HDLBP: variants seen among roughly 807,000 people sequenced by gnomAD.
HDLBP encodes the protein high density lipoprotein binding protein.
In HDLBP, 30 loss-of-function variants were observed where a neutral mutation model predicts 137.3. The observed-to-expected ratio is 0.22, with a 90% CI of 0.16 to 0.30. HDLBP has a LOEUF of 0.30. HDLBP is among the 10% of genes least tolerant of loss of function. HDLBP has a pLI of 1.00. For synonymous variants in HDLBP, 606 were observed against 596.0 expected (o/e 1.02, Z -0.24); for missense variants, 1,119 against 1,667.3 (o/e 0.67, Z 5.73).
chr2:241,298,015 T>A (rs559494596), intron 1 of HDLBP, among the ~76,000 whole-genome samples: 13 of 115,768 alleles, frequency 1.1e-4, no homozygotes, highest in African/African-American at 4.1e-4. Flanking sequence ...GCTACTGCAC[T>A]CCAGGCCTGG....
At position 241,229,393 on chromosome 2, in the gene HDLBP, A is replaced by G. The variant is rs1381199050; in HGVS notation, c.*208T>C. The G allele has an allele frequency of 7.7e-6, 4 of 518,824 alleles. No individual in the cohort carries two copies. Among genetic ancestry groups the G allele is most frequent in the Non-Finnish European group, 1.4e-5 (4 of 284,400 alleles). 32.1% of individuals were successfully genotyped at this position (518,824 alleles called of 1,614,324 possible). ...GCTCATGACCTTGGTTTAGTGTTAA[A>G]CAGTGGAGCAGGTCCTGAGCGGGCA... is the stretch of plus-strand genomic sequence containing the variant. On this transcript the variant is annotated 3_prime_UTR_variant, in exon 28 of 28. Transcript: ENST00000310931.
At chr2:241,282,234 C>T (rs1418751518) in intron 1 of HDLBP, among the ~76,000 whole-genome samples, 1 of 152,188 alleles carries the variant, frequency 6.6e-6, no homozygotes, top group East Asian at 1.9e-4. Context: ...GCAGGCCTTT[C>T]ATGGAAATGC....
chr2:241,296,900 C>T (rs1474741231), intron 1 of HDLBP, among the ~76,000 whole-genome samples: 1 of 152,230 alleles, frequency 6.6e-6, no homozygotes, highest in Non-Finnish European at 1.5e-5. Flanking sequence ...AGGTGAGGCT[C>T]ACAACAGCAT....
In HDLBP at chr2:241,238,405, T is replaced by G; in HGVS notation, c.2749+244A>C. 2.9e-6 allele frequency: 1 copy of G among 345,922 alleles called. No homozygotes were observed. The highest frequency in any genetic ancestry group is 5.2e-6 in the Non-Finnish European group (1 of 191,922). 21.4% of individuals were successfully genotyped at this position (345,922 alleles called of 1,614,324 possible). On this transcript the variant is annotated intron_variant, in intron 20 of 27. Coordinates refer to ENST00000310931, the MANE Select transcript of HDLBP (RefSeq NM_005336.6). This position sits in a 1 kb window ranked among gnomAD's most constrained non-coding sequence, Gnocchi z 4.9. ...ATGAGGCTGCACGCTCCTCATCGCC[T>G]TGGGACTGGCTACCTTGTGTGTCTC...
At chr2:241,291,569 T>G (rs2075015072) in intron 1 of HDLBP, among the ~76,000 whole-genome samples, 1 of 152,208 alleles carries the variant, frequency 6.6e-6, no homozygotes. Flanking sequence ...AATCATTCAT[T>G]TCTTCTTTCT....
chr2:241,243,399 T>C (rs1022957109), intron 16 of HDLBP: 1 of 151,720 alleles, frequency 6.6e-6, no homozygotes, highest in African/African-American at 2.4e-5. Flanking sequence ...CCTCATACAG[T>C]GCCTTTAGGT....
chr2:241,296,232 G>A (rs1179346066), intron 1 of HDLBP, among the ~76,000 whole-genome samples: 1 of 152,124 alleles, frequency 6.6e-6, no homozygotes, highest in Non-Finnish European at 1.5e-5. Flanking sequence ...ACGTGTACCT[G>A]TGAATTTATT....
At chr2:241,286,196 G>A (rs186012168) in intron 1 of HDLBP, among the ~76,000 whole-genome samples, 23 of 152,128 alleles carry the variant, frequency 1.5e-4, no homozygotes, top group Admixed American at 1.4e-3. Flanking sequence ...GCTCATGCCT[G>A]TAATCCCAGC....
At chr2:241,292,475 A>G (rs971923587) in intron 1 of HDLBP, among the ~76,000 whole-genome samples, 1 of 152,242 alleles carries the variant, frequency 6.6e-6, no homozygotes, top group Admixed American at 6.5e-5. Flanking sequence ...ATTCAAGCAA[A>G]CAAAGTGTAA....
At chr2:241,305,973 G>A (rs1451735253) in intron 1 of HDLBP, among the ~76,000 whole-genome samples, 1 of 151,972 alleles carries the variant, frequency 6.6e-6, no homozygotes, top group Admixed American at 6.5e-5. Flanking sequence ...TGTTAGCCAG[G>A]ATGGTCTCGA....
In HDLBP at chr2:241,229,979, G is replaced by A. The variant is rs746633644; in HGVS notation, c.3592-18C>T. The A allele has an allele frequency of 1.9e-6, 3 of 1,587,418 alleles. No individual in the cohort carries two copies. The East Asian group carries it at 6.7e-5, about 36-fold the overall frequency. On this transcript the variant is annotated intron_variant, in intron 26 of 27. Transcript: ENST00000310931. The stretch of plus-strand genomic sequence containing the variant: ...TCAGCTAGCTGCAGGCAGAAGACAG[G>A]AAGACAGGGTCAGTCTGCCCAGCAC...
chr2:241,253,220 AT>A (rs2072339172), intron 10 of HDLBP, 172 bp downstream of exon 10: 1 of 668,318 alleles, frequency 1.5e-6, no homozygotes, highest in African/African-American at 1.8e-5. Flanking sequence ...ACCCACGATT[AT>A]TCCAGGACTT....
chr2:241,251,751 G>C (rs1047970142), intron 11 of HDLBP, among the ~76,000 whole-genome samples: 1 of 152,228 alleles, frequency 6.6e-6, no homozygotes, highest in Non-Finnish European at 1.5e-5. Flanking sequence ...GAGGTGGGCA[G>C]ATCAACTAAG....
At chr2:241,295,929 G>A (rs890668466) in intron 1 of HDLBP, among the ~76,000 whole-genome samples, 10 of 152,130 alleles carry the variant, frequency 6.6e-5, no homozygotes, top group African/African-American at 2.2e-4. Flanking sequence ...CAGATTTCCA[G>A]TCTCCAAAAC....
chr2:241,301,424 A>G (rs1048338169), intron 1 of HDLBP, among the ~76,000 whole-genome samples: 13 of 152,208 alleles, frequency 8.5e-5, no homozygotes, highest in Admixed American at 7.9e-4. Flanking sequence ...TAAAATTAGA[A>G]AGCATATCAC....
Position 241,266,999 on chromosome 2 carries a change from CT to C in HDLBP, c.-37-94del, listed in dbSNP as rs969520526. 1.5e-5 allele frequency: 14 copies of C among 904,530 alleles called. No individual in the cohort carries two copies. The African/African-American group carries it at 1.8e-4, about 12-fold the overall frequency. The allele number at this position is 904,530 out of a possible 1,614,324, so 56.0% of individuals were successfully genotyped here. On this transcript the variant is annotated intron_variant, in intron 2 of 27. Coordinates refer to ENST00000310931, the MANE Select transcript of HDLBP (RefSeq NM_005336.6). ...AAGAGTTTTAGCAAAGTTTTACTCT[CT>C]TTTTTACCAGCAAACTATACCTTTT...
At chr2:241,257,294 G>T (rs2072715764) in intron 5 of HDLBP, among the ~76,000 whole-genome samples, 1 of 152,200 alleles carries the variant, frequency 6.6e-6, no homozygotes, top group Non-Finnish European at 1.5e-5. Context: ...GTGCAGTGGT[G>T]CCATCTTGGC....
intron 16 of HDLBP, among the ~76,000 whole-genome samples, chr2:241,243,902 A>C (rs904109796): frequency 1.3e-5 from 2 of 152,190 alleles, no homozygotes; most frequent in East Asian, 3.8e-4. Context: ...TAGGGGGAAA[A>C]CCCATAACGA....
intron 4 of HDLBP, 138 bp downstream of exon 4, chr2:241,264,310 C>A (rs1282610410): frequency 3.7e-6 from 2 of 537,020 alleles, no homozygotes; most frequent in South Asian, 5.0e-5. Context: ...TGCAGTGAGC[C>A]GAGATCGCAC....
Sources: allele counts gnomAD v4.1 joint callset (sites outside exome capture counted in the v4.1 genomes callset), GRCh38; gene constraint gnomAD v4.1.1; non-coding constraint Gnocchi (gnomAD v3.1); transcripts MANE v1.5; gene names NCBI Gene and HGNC (gene_info 2026-07-23, HGNC 2026-07-21).